The following FER variants were observed in gnomAD, a reference collection of about 807,000 sequenced individuals.
FER encodes the protein FER tyrosine kinase, also known as tyrosine-protein kinase Fer.
In FER, 63 loss-of-function variants were observed where a neutral mutation model predicts 111.0. The ratio of observed to expected loss-of-function variants is 0.57; its 90% CI spans 0.46 to 0.70. FER has a LOEUF of 0.70. Ranked by LOEUF, FER falls within the 30% of genes least tolerant of loss-of-function variation. The pLI is 0.00. For missense variants in FER, 914 were observed against 954.0 expected, an observed-to-expected ratio of 0.96 and a Z score of 0.55; for synonymous variants, 327 against 313.9, an observed-to-expected ratio of 1.04 and a Z score of -0.44.
At chr5:108,765,665 C>G (rs915561197) in intron 1 of FER, among the ~76,000 whole-genome samples, 2 of 152,164 alleles carry the variant, frequency 1.3e-5, no homozygotes, top group African/African-American at 4.8e-5. Flanking sequence ...TGGAAATAAC[C>G]ATTTCCATAG....
Position 108,867,918 on chromosome 5 carries a change from A to G in FER, c.633A>G (p.Leu211=). ...DITLPLLLDS[L]QKMQEEMIKA... The stretch of plus-strand genomic sequence containing the variant: ...CACTTCCCCTGCTTCTGGACTCCTT[A>G]CAAAAGATGCAAGAAGAAATGATAA... The change falls in exon 6 of 20, where the codon TTA becomes TTG. Residue 211 remains leucine (L), a synonymous_variant. Transcript: ENST00000281092. 1.2e-6 allele frequency: 2 copies of G among 1,609,738 alleles called. No individual in the cohort carries two copies. The highest frequency in any genetic ancestry group is 1.7e-6 in the Non-Finnish European group (2 of 1,178,714).
chr5:108,866,657 A>G (rs562903196), intron 5 of FER, among the ~76,000 whole-genome samples: 1 of 152,140 alleles, frequency 6.6e-6, no homozygotes, highest in Non-Finnish European at 1.5e-5. Flanking sequence ...TACAAGTTAC[A>G]AAAGAATGCA....
chr5:108,929,509 C>T (rs555075124), intron 10 of FER, among the ~76,000 whole-genome samples: 84 of 152,166 alleles, frequency 5.5e-4, no homozygotes, highest in Admixed American at 1.2e-3. Context: ...TTATTTCACC[C>T]AAAGCAATGT....
chr5:108,794,527 C>CCG (rs1554066065), intron 2 of FER, among the ~76,000 whole-genome samples: 4 of 3,598 alleles, frequency 1.1e-3, no homozygotes, highest in African/African-American at 4.2e-3. Context: ...CCCCTCCGCA[C>CCG]CCCCCCCCCT....
intron 13 of FER, among the ~76,000 whole-genome samples, chr5:109,030,601 C>A (rs1769457457): frequency 1.3e-5 from 2 of 152,138 alleles, no homozygotes; most frequent in African/African-American, 4.8e-5. Flanking sequence ...CATTTTAATG[C>A]TGCCTCTAGG....
intron 8 of FER, among the ~76,000 whole-genome samples, chr5:108,879,173 C>T (rs1447067449): frequency 6.6e-6 from 1 of 151,698 alleles, no homozygotes; most frequent in African/African-American, 2.4e-5. Context: ...ACTGCTTTGC[C>T]TTATAATATT....
chr5:109,014,805 G>A (rs1442887267), intron 13 of FER: 1 of 152,256 alleles, frequency 6.6e-6, no homozygotes, highest in Admixed American at 6.6e-5. Context: ...CACGTCCCTT[G>A]TAAGTTGGAT....
intron 17 of FER, among the ~76,000 whole-genome samples, chr5:109,105,064 C>A (rs1191134318): frequency 6.6e-6 from 1 of 152,016 alleles, no homozygotes; most frequent in Non-Finnish European, 1.5e-5. Flanking sequence ...TATTCTTAAG[C>A]TTCATTGGGA....
chr5:108,946,192 G>T lies in FER; in HGVS notation c.1299G>T (p.Arg433Ser). The T allele has an allele frequency of 6.2e-7, 1 of 1,612,046 alleles. No individual in the cohort carries two copies. Among genetic ancestry groups the T allele is most frequent in the Non-Finnish European group, 8.5e-7 (1 of 1,178,808 alleles). ...SIRHSIAGII[R>S]SPKSALGSSA... is the part of the protein sequence containing the mutation. ...GTCATTCAATTGCTGGAATAATTAG[G>T]TCTCCAAAATCTGCACTGGGCTCTT... Residue 433 changes from arginine to serine, a missense_variant, in exon 11 of 20, where the codon AGG (arginine) becomes AGT (serine). Physicochemically the swap from Arg to Ser is moderately radical, Grantham distance 110. Around this residue, in one of 3 missense-constraint regions of FER, gnomAD observed 774 missense variants for 782.6 expected, o/e 0.99. Coordinates refer to ENST00000281092, the MANE Select transcript of FER (RefSeq NM_005246.4).
intron 13 of FER, among the ~76,000 whole-genome samples, chr5:109,024,474 C>A (rs910244483): frequency 3.3e-5 from 5 of 152,138 alleles, no homozygotes; most frequent in African/African-American, 1.2e-4. Context: ...CACTTCAACT[C>A]ACAGGCAGGT....
rs1759489716 is a variant in FER at position 109,193,059 on chromosome 5, T to G, written c.*5484T>G. 1 of 152,008 alleles carries G rather than the reference T, an allele frequency of 6.6e-6. No individual in the cohort carries two copies. Among genetic ancestry groups the G allele is most frequent in the African/African-American group, 2.4e-5 (1 of 41,378 alleles). 9.4% of individuals were successfully genotyped at this position (152,008 alleles called of 1,614,324 possible). A position where few individuals can be genotyped will look rare whatever the true frequency, so the allele number is the denominator to read the frequency against. On this transcript the variant is annotated 3_prime_UTR_variant, in exon 20 of 20. Coordinates refer to ENST00000281092, the MANE Select transcript of FER (RefSeq NM_005246.4). ...AAAGGAAACTAACCCTCACAAAGGG[T>G]TTGAGGAGCTTCCTGCTGTGTGTCC...
intron 10 of FER, among the ~76,000 whole-genome samples, chr5:108,937,586 C>G (rs143370654): frequency 0.012 from 1,831 of 151,938 alleles, 19 homozygotes; most frequent in Non-Finnish European, 0.021. Flanking sequence ...CATTTAATGA[C>G]CTGGTAGAGG....
At chr5:108,924,696 T>C in intron 10 of FER, 1 of 1,232,100 alleles carries the variant, frequency 8.1e-7, no homozygotes. Flanking sequence ...ATTGTAAGGA[T>C]CAGCTGGAGT....
At chr5:109,059,828 G>C (rs536315235) in intron 16 of FER, among the ~76,000 whole-genome samples, 1 of 152,132 alleles carries the variant, frequency 6.6e-6, no homozygotes, top group Non-Finnish European at 1.5e-5. Flanking sequence ...CCACTACTAG[G>C]CATCTACATA....
chr5:108,847,636 T>A (rs1306848580), intron 5 of FER, among the ~76,000 whole-genome samples: 2 of 152,188 alleles, frequency 1.3e-5, no homozygotes, highest in African/African-American at 4.8e-5. Context: ...TGTGGATTTG[T>A]GTATTTCTTC....
chr5:109,059,808 C>G (rs1774147261), intron 16 of FER, among the ~76,000 whole-genome samples: 1 of 152,112 alleles, frequency 6.6e-6, no homozygotes, highest in African/African-American at 2.4e-5. Flanking sequence ...TTTCATATGA[C>G]CTAAGAATTC....
intron 14 of FER, among the ~76,000 whole-genome samples, chr5:109,041,422 A>G (rs568330345): frequency 5.9e-5 from 9 of 151,986 alleles, no homozygotes; most frequent in Admixed American, 2.6e-4. Flanking sequence ...CAGTTCCTAT[A>G]AAGTCAAAGG....
rs568529422 is a variant in FER, at chr5:109,027,981, T to C, written c.1657-9441T>C. ...TAAAAGTACTATATTAATGACAATTTTGTTGAAACCTTATTTTTAAGTGAT... is the reference window on the plus strand; with the variant it reads ...TAAAAGTACTATATTAATGACAATTCTGTTGAAACCTTATTTTTAAGTGAT... On this transcript the variant is annotated intron_variant, in intron 13 of 19. Transcript: ENST00000281092. 3.3e-5 allele frequency among the ~76,000 whole-genome samples: 5 copies of C among 152,348 alleles called. No individual in the cohort carries two copies. In the East Asian group the frequency reaches 9.6e-4, roughly 29 times the overall value.
At chr5:108,830,102 A>G (rs1458553829) in intron 3 of FER, among the ~76,000 whole-genome samples, 1 of 152,214 alleles carries the variant, frequency 6.6e-6, no homozygotes, top group East Asian at 1.9e-4. Flanking sequence ...GAGAACAGCA[A>G]TACATGAAGT....
Sources: gnomAD v4.1 joint callset for allele counts (sites outside exome capture counted in the v4.1 genomes callset) on GRCh38, gnomAD v4.1.1 for gene constraint, gnomAD v4.1.1 regional missense constraint, MANE v1.5 for transcripts, NCBI Gene and HGNC (gene_info 2026-07-23, HGNC 2026-07-21) for gene names.